The following ADAMTSL1 variants were observed in gnomAD, a reference collection of about 807,000 sequenced individuals.
ADAMTSL1 encodes the protein ADAMTS like 1, also known as ADAMTS-like protein 1.
In ADAMTSL1, 126 loss-of-function variants were observed where a neutral mutation model predicts 201.8. The ratio of observed to expected loss-of-function variants is 0.62; its 90% confidence interval spans 0.54 to 0.72. The LOEUF (loss-of-function observed/expected upper bound fraction) is 0.72. ADAMTSL1 is among the 30% of genes least tolerant of loss of function. The pLI is 0.00. For missense variants in ADAMTSL1, 2,679 were observed against 2,277.8 expected (o/e 1.18, Z -3.59); for synonymous variants, 1,121 against 903.4 (o/e 1.24, Z -4.32).
intron 16 of ADAMTSL1, among the ~76,000 whole-genome samples, chr9:18,756,463 G>C (rs1819780260): frequency 6.6e-6 from 1 of 151,930 alleles, no homozygotes; most frequent in Non-Finnish European, 1.5e-5. Flanking sequence ...ATATTGTATG[G>C]TGCAATAAGT....
intron 1 of ADAMTSL1, among the ~76,000 whole-genome samples, chr9:17,982,429 A>G (rs897177634): frequency 6.6e-6 from 1 of 152,094 alleles, no homozygotes; most frequent in Non-Finnish European, 1.5e-5. Context: ...GCTGGCCAAC[A>G]TGGTGAAACC....
At chr9:18,703,971 G>A (rs1054499752) in intron 13 of ADAMTSL1, among the ~76,000 whole-genome samples, 1 of 151,636 alleles carries the variant, frequency 6.6e-6, no homozygotes, top group Admixed American at 6.6e-5. Flanking sequence ...AAATCAAGTT[G>A]GCTACTTGTC....
chr9:18,612,855 A>G (rs1398867240), intron 4 of ADAMTSL1, among the ~76,000 whole-genome samples: 1 of 152,204 alleles, frequency 6.6e-6, no homozygotes, highest in Non-Finnish European at 1.5e-5. Flanking sequence ...AGAAGCAAAA[A>G]TTGACAAATG....
At position 18,526,663 on chromosome 9, in the gene ADAMTSL1, G is replaced by A. The variant is rs532757330; in HGVS notation, c.192-6584G>A. Among the ~76,000 whole-genome samples, 2 of 152,128 alleles carry A rather than the reference G, an allele frequency of 1.3e-5. 1 individual carries two copies. Among genetic ancestry groups the A allele is most frequent in the South Asian group, 4.1e-4 (2 of 4,832 alleles). On this transcript the variant is annotated intron_variant, in intron 2 of 28. Coordinates refer to ENST00000380548, the MANE Select transcript of ADAMTSL1 (RefSeq NM_001040272.6). Reference sequence around the variant, plus strand: ...TAACAAAATCTCTCAGCATTTGCTTGTCTGTAAAGGTTTTTATTTCTCCTT... The same window carrying A: ...TAACAAAATCTCTCAGCATTTGCTTATCTGTAAAGGTTTTTATTTCTCCTT...
chr9:18,625,000 A>G (rs1243262318), intron 5 of ADAMTSL1, among the ~76,000 whole-genome samples: 2 of 152,224 alleles, frequency 1.3e-5, no homozygotes, highest in African/African-American at 4.8e-5. Flanking sequence ...GATGCTGAAC[A>G]AACTGCCTCA....
intron 4 of ADAMTSL1, among the ~76,000 whole-genome samples, chr9:18,579,472 G>A (rs1822956997): frequency 6.6e-6 from 1 of 151,124 alleles, no homozygotes; most frequent in African/African-American, 2.4e-5. Context: ...ATGTGCACAT[G>A]TACCCTAAAA....
rs151223291 is a variant in ADAMTSL1 at position 18,671,787 on chromosome 9, A to T, written c.1086-4070A>T. ...CAGAACCGGCCGGGTGTGGTGGCTC[A>T]TGCCTGTGAGGAGGCCAAGGTGGGC... On this transcript the variant is annotated intron_variant, in intron 9 of 28. Transcript: ENST00000380548. 2.7e-3 allele frequency among the ~76,000 whole-genome samples: 409 copies of T among 152,272 alleles called. 3 individuals are homozygous for T. Among genetic ancestry groups the T allele is most frequent in the African/African-American group, 9.2e-3 (384 of 41,564 alleles).
chr9:18,796,991 C>T (rs775670204), intron 20 of ADAMTSL1, among the ~76,000 whole-genome samples: 7 of 152,136 alleles, frequency 4.6e-5, no homozygotes, highest in Admixed American at 1.3e-4. Context: ...TTTGTTCACC[C>T]GAATTTAATA....
intron 2 of ADAMTSL1, among the ~76,000 whole-genome samples, chr9:18,280,778 G>A (rs968896982): frequency 1.3e-5 from 2 of 151,632 alleles, no homozygotes; most frequent in African/African-American, 2.4e-5. Flanking sequence ...TCACTTAATT[G>A]TTCCAGTAGC....
chr9:18,644,277 T>G (rs1418561405), intron 7 of ADAMTSL1, among the ~76,000 whole-genome samples: 1 of 152,042 alleles, frequency 6.6e-6, no homozygotes, highest in Non-Finnish European at 1.5e-5. Flanking sequence ...TTTTGGTGGA[T>G]GCATTATATA....
chr9:18,829,824 AC>A lies in ADAMTSL1; in HGVS notation c.4115-16del. 4 of 1,613,426 alleles carry A rather than the reference AC, an allele frequency of 2.5e-6. No homozygotes were observed. The highest frequency in any genetic ancestry group is 3.4e-6 in the Non-Finnish European group (4 of 1,179,696). On this transcript the variant is annotated intron_variant, in intron 22 of 28. Transcript: ENST00000380548. ...CCCTGTGCTTTAACCTGCCTGATCC[AC>A]CCTCTGCCTTCTCACAGATCCCCCC...
chr9:18,588,636 T>G (rs1256703081), intron 4 of ADAMTSL1, among the ~76,000 whole-genome samples: 1 of 151,884 alleles, frequency 6.6e-6, no homozygotes. Flanking sequence ...ATTTTATATT[T>G]ACTAAAAAAT....
chr9:18,714,083 G>T (rs1409462769), intron 14 of ADAMTSL1, among the ~76,000 whole-genome samples: 2 of 152,078 alleles, frequency 1.3e-5, no homozygotes, highest in South Asian at 4.1e-4. Context: ...CAGAATCTCT[G>T]GGACACATTC....
intron 4 of ADAMTSL1, among the ~76,000 whole-genome samples, chr9:18,621,889 A>G (rs1408502856): frequency 2.0e-5 from 3 of 152,178 alleles, no homozygotes; most frequent in Non-Finnish European, 4.4e-5. Flanking sequence ...CATCATAATT[A>G]TTAACATAGG....
At chr9:18,528,952 C>T (rs893549823) in intron 2 of ADAMTSL1, among the ~76,000 whole-genome samples, 5 of 152,046 alleles carry the variant, frequency 3.3e-5, no homozygotes, top group Admixed American at 1.3e-4. Flanking sequence ...AGAAATCACT[C>T]AGCTGTTTTA....
At chr9:18,018,306 A>G (rs903823099) in intron 1 of ADAMTSL1, among the ~76,000 whole-genome samples, 1 of 152,100 alleles carries the variant, frequency 6.6e-6, no homozygotes, top group Non-Finnish European at 1.5e-5. Flanking sequence ...TAATCTTCAT[A>G]CAGACTCTGA....
In ADAMTSL1 at chr9:17,940,813, A is replaced by ACC. The variant is rs57863954; in HGVS notation, c.87+33891_87+33892insCC. Among the ~76,000 whole-genome samples, 221 of 68,286 alleles carry ACC rather than the reference A, an allele frequency of 3.2e-3. 13 individuals carry two copies. Among genetic ancestry groups the ACC allele is most frequent in the Middle Eastern group, 0.013 (1 of 80 alleles). The allele number at this position is 68,286 out of a possible 152,430, so 44.8% of individuals were successfully genotyped here. ...TAAAAGTAAATAACACCCCCCCCCC[A>ACC]AAAAAAAGAAAGAAATAACGACTCG... On this transcript the variant is annotated intron_variant, in intron 1 of 29. Transcript: ENST00000680146.
In ADAMTSL1 at chr9:18,743,665, T is replaced by C. The variant is rs1039647752; in HGVS notation, c.2007-9633T>C. The stretch of plus-strand genomic sequence containing the variant: ...CCAGGAGAAGTGTGGCTGTATCTAC[T>C]ATTTCCTGAGCCGTGCAAGTTACTG... On this transcript the variant is annotated intron_variant, in intron 15 of 28. Transcript: ENST00000380548. 1.4e-4 allele frequency among the ~76,000 whole-genome samples: 22 copies of C among 152,348 alleles called. 1 individual carries two copies. The highest frequency in any genetic ancestry group is 1.2e-3 in the Admixed American group (18 of 15,310).
At chr9:17,981,729 T>A (rs1050327976) in intron 1 of ADAMTSL1, among the ~76,000 whole-genome samples, 4 of 152,236 alleles carry the variant, frequency 2.6e-5, no homozygotes, top group African/African-American at 9.6e-5. Context: ...AGGTTCACTG[T>A]ATGATCACAC....
Sources: allele counts gnomAD v4.1 joint callset (sites outside exome capture counted in the v4.1 genomes callset), GRCh38; gene constraint gnomAD v4.1.1; transcripts MANE v1.5; gene names NCBI Gene and HGNC (gene_info 2026-07-23, HGNC 2026-07-21).